NREP: variants seen among roughly 807,000 people sequenced by gnomAD.
The protein encoded by NREP is neuronal regeneration related protein, also known as neuronal regeneration-related protein.
Under a neutral mutation model 8.6 loss-of-function variants are expected in NREP, and 5 were observed. The ratio of observed to expected loss-of-function variants is 0.58; its 90% confidence interval spans 0.30 to 1.22. The LOEUF is 1.22. Among genes scored for constraint, NREP ranks in the 50% most tolerant of loss-of-function variants. The pLI is 0.07. For missense variants in NREP, 86 were observed against 82.5 expected, an observed-to-expected ratio of 1.04 and a Z score of -0.17; for synonymous variants, 27 against 28.0, an observed-to-expected ratio of 0.96 and a Z score of 0.11.
At chr5:111,926,843 T>C (rs560484554) in intron 2 of NREP, among the ~76,000 whole-genome samples, 34 of 151,694 alleles carry the variant, frequency 2.2e-4, no homozygotes, top group Admixed American at 1.7e-3. Flanking sequence ...CCATTAAAGG[T>C]GCTGCTCCTG....
chr5:111,871,323 G>C (rs901424657), intron 2 of NREP, among the ~76,000 whole-genome samples: 2 of 152,084 alleles, frequency 1.3e-5, no homozygotes, highest in Non-Finnish European at 2.9e-5. Flanking sequence ...AAACATAGAA[G>C]AGGTATGGTA....
intron 2 of NREP, among the ~76,000 whole-genome samples, chr5:111,752,344 G>A (rs1251653287): frequency 1.3e-5 from 2 of 152,122 alleles, no homozygotes; most frequent in African/African-American, 4.8e-5. Context: ...TTCCTCAAAC[G>A]ATTCCCAATT....
intron 2 of NREP, among the ~76,000 whole-genome samples, chr5:111,924,749 T>G (rs1167236949): frequency 6.6e-6 from 1 of 152,096 alleles, no homozygotes; most frequent in African/African-American, 2.4e-5. Context: ...TTTCTTTGGT[T>G]AGGAAAAGAA....
intron 2 of NREP, among the ~76,000 whole-genome samples, chr5:111,953,918 C>T (rs539675989): frequency 6.6e-4 from 101 of 152,236 alleles, no homozygotes; most frequent in Admixed American, 1.5e-3. Flanking sequence ...CCCAGTCTCA[C>T]ATCCTCAAAG....
chr5:111,947,812 C>T (rs1756033892), intron 2 of NREP, among the ~76,000 whole-genome samples: 1 of 151,978 alleles, frequency 6.6e-6, no homozygotes, highest in African/African-American at 2.4e-5. Context: ...TATTTGATAG[C>T]ATATTTTAGT....
chr5:111,828,289 A>G (rs1752676217), intron 2 of NREP, among the ~76,000 whole-genome samples: 1 of 152,156 alleles, frequency 6.6e-6, no homozygotes, highest in Admixed American at 6.5e-5. Flanking sequence ...TCAGCATCCC[A>G]AAGTGTTGGG....
chr5:111,930,464 A>G (rs576869020), intron 2 of NREP, among the ~76,000 whole-genome samples: 48 of 152,288 alleles, frequency 3.2e-4, no homozygotes, highest in African/African-American at 1.1e-3. Context: ...ATGTTTTCAG[A>G]AATTTTTTAC....
chr5:111,868,053 C>G (rs532503612), intron 2 of NREP, among the ~76,000 whole-genome samples: 1 of 151,952 alleles, frequency 6.6e-6, no homozygotes, highest in African/African-American at 2.4e-5. Context: ...TATAAAGGTA[C>G]TCTCATTTTT....
chr5:111,731,077 G>C lies in NREP; in HGVS notation c.82-31C>G, dbSNP rs184191219. ...AAGCAGGCAGACCCACACACAGACAGACACACATAAAAGACAAAATTAGTC... is the reference window on the plus strand; with the variant it reads ...AAGCAGGCAGACCCACACACAGACACACACACATAAAAGACAAAATTAGTC... On this transcript the variant is annotated intron_variant, in intron 3 of 3. Coordinates refer to ENST00000257435, the MANE Select transcript of NREP (RefSeq NM_004772.4). 4.5e-5 allele frequency: 72 copies of C among 1,604,712 alleles called. No homozygotes were observed. The Admixed American group carries it at 6.3e-4, about 14-fold the overall frequency.
intron 2 of NREP, among the ~76,000 whole-genome samples, chr5:111,845,157 T>C (rs1051362640): frequency 1.3e-5 from 2 of 152,156 alleles, no homozygotes; most frequent in Non-Finnish European, 2.9e-5. Flanking sequence ...TGAATTTACA[T>C]GCTTACTTCA....
chr5:111,818,858 C>A (rs763533642), intron 2 of NREP, among the ~76,000 whole-genome samples: 5 of 152,094 alleles, frequency 3.3e-5, no homozygotes, highest in Admixed American at 6.5e-5. Context: ...TAAATCTCAA[C>A]AGTATAGTGT....
chr5:111,875,957 TG>T (rs1156467612), intron 2 of NREP, among the ~76,000 whole-genome samples: 6 of 152,158 alleles, frequency 3.9e-5, no homozygotes, highest in Admixed American at 1.3e-4. Context: ...ATACATGAGC[TG>T]GTGGGGAGGC....
At chr5:111,756,754 T>G (rs1750738937) in intron 1 of NREP, among the ~76,000 whole-genome samples, 1 of 152,082 alleles carries the variant, frequency 6.6e-6, no homozygotes, top group Admixed American at 6.5e-5. Context: ...CAAATTCATT[T>G]TATAAAAAGG....
At chr5:111,915,418 C>T (rs1755029682) in intron 2 of NREP, among the ~76,000 whole-genome samples, 1 of 151,806 alleles carries the variant, frequency 6.6e-6, no homozygotes, top group African/African-American at 2.4e-5. Context: ...GATACCAGCT[C>T]ACATTAAAAA....
intron 2 of NREP, among the ~76,000 whole-genome samples, chr5:111,782,887 A>T (rs553295362): frequency 6.6e-6 from 1 of 152,112 alleles, no homozygotes; most frequent in South Asian, 2.1e-4. Flanking sequence ...GTCATATGGC[A>T]CCAAACCCGG....
intron 2 of NREP, among the ~76,000 whole-genome samples, chr5:111,924,615 G>T (rs1755333779): frequency 6.6e-6 from 1 of 152,122 alleles, no homozygotes; most frequent in African/African-American, 2.4e-5. Context: ...ATTCCCCATT[G>T]GGTTTCTGCA....
rs773766879 is a variant in NREP at position 111,774,241 on chromosome 5, AAGGG to A, written c.136-38738_136-38735del. 5.7e-3 allele frequency among the ~76,000 whole-genome samples: 668 copies of A among 117,844 alleles called. 2 individuals are homozygous for A. Among genetic ancestry groups the A allele is most frequent in the South Asian group, 9.0e-3 (38 of 4,236 alleles). The allele number at this position is 117,844 out of a possible 152,430, so 77.3% of individuals were successfully genotyped here. ...GGAAGGAAGAAGGGAGGGAAGGAAG[AAGGG>A]AGGGAGGGAAGGAGGGAGAGAAGGA... is the stretch of plus-strand genomic sequence containing the variant. On this transcript the variant is annotated intron_variant, in intron 2 of 3. Transcript: ENST00000395634.
intron 2 of NREP, among the ~76,000 whole-genome samples, chr5:111,744,810 A>G (rs1749900065): frequency 6.6e-6 from 1 of 152,188 alleles, no homozygotes; most frequent in Non-Finnish European, 1.5e-5. Context: ...AAAAAGAATC[A>G]TCGGTAGTTT....
At chr5:111,886,300 G>A (rs1171072840) in intron 2 of NREP, among the ~76,000 whole-genome samples, 12 of 152,050 alleles carry the variant, frequency 7.9e-5, no homozygotes, top group Non-Finnish European at 1.2e-4. Context: ...TAGAATGGCA[G>A]TCATTAAAAA....
Sources: gnomAD v4.1 joint callset for allele counts (sites outside exome capture counted in the v4.1 genomes callset) on GRCh38, gnomAD v4.1.1 for gene constraint, MANE v1.5 for transcripts, NCBI Gene and HGNC (gene_info 2026-07-23, HGNC 2026-07-21) for gene names.